The following GSK3B variants were observed in gnomAD, a reference collection of about 807,000 sequenced individuals.
GSK3B encodes the protein glycogen synthase kinase 3 beta.
A neutral mutation model predicts 56.4 loss-of-function variants in GSK3B; 15 were observed. That is an observed-to-expected ratio of 0.27 (90% CI 0.18 to 0.41). GSK3B has a LOEUF of 0.41. Ranked by LOEUF, GSK3B falls within the 10% of genes least tolerant of loss-of-function variation. The probability of loss-of-function intolerance (pLI) is 1.00; values close to 1 mark genes in which losing one functional copy is unlikely to be tolerated. For synonymous variants in GSK3B, 181 were observed against 188.9 expected, an observed-to-expected ratio of 0.96 and a Z score of 0.34; for missense variants, 300 against 513.4, an observed-to-expected ratio of 0.58 and a Z score of 4.02.
intron 9 of GSK3B, among the ~76,000 whole-genome samples, chr3:119,860,212 A>C (rs942925705): frequency 6.6e-6 from 1 of 152,216 alleles, no homozygotes; most frequent in Non-Finnish European, 1.5e-5. Context: ...AAATTAGTTC[A>C]TAAGAAAATA....
chr3:119,862,524 T>TTAA (rs376995408), intron 9 of GSK3B, among the ~76,000 whole-genome samples: 1 of 111,896 alleles, frequency 8.9e-6, no homozygotes, highest in Admixed American at 9.4e-5. Context: ...TAGAGTATAA[T>TTAA]AAAAAAAAAA....
intron 1 of GSK3B, among the ~76,000 whole-genome samples, chr3:120,036,402 T>G (rs1400173191): frequency 6.6e-6 from 1 of 152,224 alleles, no homozygotes; most frequent in Non-Finnish European, 1.5e-5. Flanking sequence ...GTTTTGTTGT[T>G]GCAATACCCC....
chr3:120,039,946 G>A lies in GSK3B; in HGVS notation c.89-37707C>T, dbSNP rs192716987. On this transcript the variant is annotated intron_variant, in intron 1 of 10. Coordinates refer to ENST00000264235, the MANE Select transcript of GSK3B (RefSeq NM_001146156.2). ...GGTCTTGGTCCTCTCCCGTGAAGAGGTGCGCCCCACTGCCTCGTTGCAGCA... is the reference window on the plus strand; with the variant it reads ...GGTCTTGGTCCTCTCCCGTGAAGAGATGCGCCCCACTGCCTCGTTGCAGCA... Among the ~76,000 whole-genome samples the A allele has an allele frequency of 1.2e-4, 18 of 152,290 alleles. No individual in the cohort carries two copies. The East Asian group carries it at 2.5e-3, about 21-fold the overall frequency.
chr3:119,951,479 G>A (rs2057156628), intron 2 of GSK3B, among the ~76,000 whole-genome samples: 1 of 152,222 alleles, frequency 6.6e-6, no homozygotes, highest in Non-Finnish European at 1.5e-5. Flanking sequence ...GCTGAAGCAG[G>A]AGAACTGCTT....
chr3:119,971,726 C>T (rs1225194805), intron 2 of GSK3B, among the ~76,000 whole-genome samples: 1 of 144,866 alleles, frequency 6.9e-6, no homozygotes, highest in African/African-American at 2.6e-5. Flanking sequence ...ATTCTCCTGC[C>T]TCAGCCTCCC....
At chr3:119,929,888 C>T (rs190187688) in intron 3 of GSK3B, among the ~76,000 whole-genome samples, 7 of 145,796 alleles carry the variant, frequency 4.8e-5, no homozygotes, top group Non-Finnish European at 3.0e-5. Context: ...GCAACAAGAG[C>T]GAAACTCTGC....
chr3:119,960,464 G>A (rs976040041), intron 2 of GSK3B, among the ~76,000 whole-genome samples: 19 of 152,158 alleles, frequency 1.2e-4, no homozygotes, highest in Admixed American at 1.2e-3. Flanking sequence ...AGTAGTACAA[G>A]AGAATCTGAG....
chr3:119,996,986 T>C (rs956555767), intron 2 of GSK3B, among the ~76,000 whole-genome samples: 4 of 152,172 alleles, frequency 2.6e-5, no homozygotes, highest in South Asian at 2.1e-4. Context: ...GTTTATATAT[T>C]ACATTTAGAT....
intron 9 of GSK3B, among the ~76,000 whole-genome samples, chr3:119,851,769 T>A (rs893559462): frequency 1.3e-5 from 2 of 152,242 alleles, no homozygotes; most frequent in African/African-American, 4.8e-5. Flanking sequence ...CCAGGCCTCT[T>A]ATTACATATA....
chr3:120,028,980 T>C, intron 1 of GSK3B: 4 of 587,614 alleles, frequency 6.8e-6, no homozygotes, highest in Non-Finnish European at 1.3e-5. Flanking sequence ...TGGTTCCTCC[T>C]GTGGAAGAAA....
At chr3:119,928,193 C>T (rs2107470803) in intron 3 of GSK3B, among the ~76,000 whole-genome samples, 1 of 152,262 alleles carries the variant, frequency 6.6e-6, no homozygotes, top group East Asian at 1.9e-4. Flanking sequence ...GTTGGTAACT[C>T]AAGGGGAGCA....
chr3:119,941,967 T>C (rs988924388), intron 3 of GSK3B, among the ~76,000 whole-genome samples: 1 of 152,210 alleles, frequency 6.6e-6, no homozygotes, highest in African/African-American at 2.4e-5. Flanking sequence ...TCTCCAGAGC[T>C]AGTGGTAGAC....
chr3:120,073,260 G>C (rs867434717), intron 1 of GSK3B, among the ~76,000 whole-genome samples: 2 of 149,976 alleles, frequency 1.3e-5, no homozygotes, highest in African/African-American at 4.9e-5. Flanking sequence ...ATGGTGGTGC[G>C]GGCCTGTAGT....
intron 1 of GSK3B, among the ~76,000 whole-genome samples, chr3:120,039,343 A>T (rs1431764000): frequency 6.6e-6 from 1 of 152,222 alleles, no homozygotes; most frequent in Non-Finnish European, 1.5e-5. Flanking sequence ...ACACTCATAG[A>T]TATTTACACA....
intron 7 of GSK3B, among the ~76,000 whole-genome samples, chr3:119,879,872 ATGAACACTTAGG>A (rs561917050): frequency 6.1e-4 from 93 of 152,328 alleles, no homozygotes; most frequent in African/African-American, 2.1e-3. Context: ...GTCCATGCTG[ATGAACACTTAGG>A]TTGCTTCCAA....
chr3:119,989,543 G>C (rs1233354839), intron 2 of GSK3B, among the ~76,000 whole-genome samples: 1 of 151,730 alleles, frequency 6.6e-6, no homozygotes. Flanking sequence ...CTACTCGGGG[G>C]CTGAGACAGG....
At chr3:119,972,821 C>T (rs899950266) in intron 2 of GSK3B, among the ~76,000 whole-genome samples, 1 of 152,088 alleles carries the variant, frequency 6.6e-6, no homozygotes, top group Non-Finnish European at 1.5e-5. Flanking sequence ...AAACTAGAAG[C>T]TTTCAATTGT....
chr3:120,058,446 G>A (rs145141514), intron 1 of GSK3B, among the ~76,000 whole-genome samples: 11 of 152,124 alleles, frequency 7.2e-5, no homozygotes, highest in South Asian at 2.1e-4. Context: ...TGTCACTAGC[G>A]GTAATTAGTT....
chr3:119,850,321 C>T, intron 9 of GSK3B, among the ~76,000 whole-genome samples: 1 of 152,240 alleles, frequency 6.6e-6, no homozygotes, highest in Non-Finnish European at 1.5e-5. Context: ...ATCACTACTA[C>T]TTCTACATCC....
Sources: allele counts gnomAD v4.1 joint callset (sites outside exome capture counted in the v4.1 genomes callset), GRCh38; gene constraint gnomAD v4.1.1; transcripts MANE v1.5; gene names NCBI Gene and HGNC (gene_info 2026-07-23, HGNC 2026-07-21).